MBP: variants seen among roughly 807,000 people sequenced by gnomAD.
The protein encoded by MBP is Golli-MBP.
A neutral mutation model predicts 35.8 loss-of-function variants in MBP; 16 were observed. The ratio of observed to expected loss-of-function variants is 0.45; its 90% CI spans 0.30 to 0.68. The LOEUF (loss-of-function observed/expected upper bound fraction) is 0.68, where lower values mean the gene tolerates loss of function less well. MBP is among the 30% of genes least tolerant of loss of function. The pLI, the probability that MBP is intolerant of heterozygous loss-of-function variation, is 0.08. For synonymous variants in MBP, 143 were observed against 159.6 expected, an observed-to-expected ratio of 0.90 and a Z score of 0.78; for missense variants, 380 against 404.7, an observed-to-expected ratio of 0.94 and a Z score of 0.52.
chr18:77,015,700 A>C (rs1326106432), intron 4 of MBP: 1 of 985,378 alleles, frequency 1.0e-6, no homozygotes, highest in Non-Finnish European at 1.2e-6. Context: ...TAAAACTGAC[A>C]TTTGTGTTTC....
intron 3 of MBP, among the ~76,000 whole-genome samples, chr18:77,057,271 C>A (rs1973763444): frequency 6.6e-6 from 1 of 152,204 alleles, no homozygotes; most frequent in Non-Finnish European, 1.5e-5. Flanking sequence ...GGGCTCCGAT[C>A]CTGCTCCTGA....
chr18:77,047,609 C>T (rs1973311572), intron 3 of MBP, among the ~76,000 whole-genome samples: 1 of 152,206 alleles, frequency 6.6e-6, no homozygotes, highest in Non-Finnish European at 1.5e-5. Context: ...AATGTGTACA[C>T]TGAAAATGGC....
At chr18:77,093,990 T>TG (rs1399798011) in intron 2 of MBP, among the ~76,000 whole-genome samples, 4 of 148,790 alleles carry the variant, frequency 2.7e-5, no homozygotes, top group Non-Finnish European at 4.4e-5. Flanking sequence ...TCTTTTTTTT[T>TG]TTTTGACACG....
intron 2 of MBP, among the ~76,000 whole-genome samples, chr18:77,081,813 C>CT (rs373810599): frequency 0.013 from 1,211 of 90,472 alleles, 28 homozygotes; most frequent in African/African-American, 0.032. Flanking sequence ...TATGCACACA[C>CT]ATATATACAC....
At chr18:77,021,740 C>T (rs922666901) in intron 3 of MBP, among the ~76,000 whole-genome samples, 3 of 152,134 alleles carry the variant, frequency 2.0e-5, no homozygotes, top group South Asian at 2.1e-4. Flanking sequence ...GCCTCGGCCC[C>T]GCAAAGTGCT....
intron 3 of MBP, among the ~76,000 whole-genome samples, chr18:77,040,463 G>A (rs1053794091): frequency 8.5e-5 from 13 of 152,116 alleles, no homozygotes; most frequent in African/African-American, 2.7e-4. Flanking sequence ...AAAAGAGCCC[G>A]CATTGCCAAG....
intron 3 of MBP, among the ~76,000 whole-genome samples, chr18:77,019,807 A>C (rs1025313663): frequency 6.6e-6 from 1 of 152,124 alleles, no homozygotes; most frequent in African/African-American, 2.4e-5. Context: ...GCAGAGGGGA[A>C]GGCAGCCCCC....
intron 4 of MBP, chr18:77,013,384 A>G: frequency 1.0e-6 from 1 of 985,432 alleles, no homozygotes; most frequent in Non-Finnish European, 1.2e-6. Flanking sequence ...GTGTCTCCAA[A>G]TGGTACACGC....
chr18:77,122,017 A>G (rs997694051), intron 1 of MBP, among the ~76,000 whole-genome samples: 1 of 152,222 alleles, frequency 6.6e-6, no homozygotes, highest in Non-Finnish European at 1.5e-5. Context: ...AGCTGAATAA[A>G]TCATGCCAGG....
intron 3 of MBP, among the ~76,000 whole-genome samples, chr18:77,049,268 C>T (rs150717135): frequency 6.6e-4 from 100 of 152,214 alleles, no homozygotes; most frequent in African/African-American, 2.1e-3. Context: ...TCCTGCCTGA[C>T]GCGGTTTCTG....
chr18:77,048,821 G>A (rs1973364897), intron 3 of MBP, among the ~76,000 whole-genome samples: 1 of 152,112 alleles, frequency 6.6e-6, no homozygotes, highest in Non-Finnish European at 1.5e-5. Flanking sequence ...GGATCAAAGA[G>A]GTCAAATAAA....
intron 2 of MBP, among the ~76,000 whole-genome samples, chr18:77,069,676 G>A (rs118141198): frequency 5.6e-4 from 86 of 152,304 alleles, no homozygotes; most frequent in Admixed American, 9.1e-4. Context: ...GGATAACCTA[G>A]CGGCAGCCAC....
chr18:77,105,381 T>C, intron 1 of MBP, 95 bp from the exon 2 acceptor site: 1 of 734,270 alleles, frequency 1.4e-6, no homozygotes, highest in Non-Finnish European at 2.4e-6. Context: ...GTGATATATG[T>C]AATGCCCATT....
chr18:77,029,715 G>C (rs1394515064), intron 3 of MBP, among the ~76,000 whole-genome samples: 1 of 152,016 alleles, frequency 6.6e-6, no homozygotes, highest in African/African-American at 2.4e-5. Context: ...CATCTAGTTA[G>C]GTTTAAAGCC....
At chr18:77,033,231 G>C (rs367754497) in intron 3 of MBP, among the ~76,000 whole-genome samples, 1 of 152,096 alleles carries the variant, frequency 6.6e-6, no homozygotes, top group African/African-American at 2.4e-5. Context: ...GCCTCCCAAA[G>C]TGCTGGAGTT....
At position 77,119,082 on chromosome 18, in the gene MBP, A is replaced by G. The variant is rs113280247; in HGVS notation, c.-26+13498T>C. 1.1e-3 allele frequency among the ~76,000 whole-genome samples: 174 copies of G among 152,262 alleles called. 1 individual carries two copies. Among genetic ancestry groups the G allele is most frequent in the African/African-American group, 4.0e-3 (168 of 41,538 alleles). On this transcript the variant is annotated intron_variant, in intron 1 of 8. Transcript: ENST00000355994. ...GGGCAGCTGACAGGGGAAAGCGAAGACCACAGTTGGTCCCACAGGTCCCTG... is the reference window on the plus strand; with the variant it reads ...GGGCAGCTGACAGGGGAAAGCGAAGGCCACAGTTGGTCCCACAGGTCCCTG...
At chr18:77,115,965 C>A (rs73970919) in intron 1 of MBP, among the ~76,000 whole-genome samples, 5,065 of 149,432 alleles carry the variant, frequency 0.034, 136 homozygotes, top group African/African-American at 0.12. Flanking sequence ...TCCTGAGGGG[C>A]CCCACATCTT....
At chr18:77,063,322 C>G (rs1198595533) in intron 3 of MBP, among the ~76,000 whole-genome samples, 1 of 152,112 alleles carries the variant, frequency 6.6e-6, no homozygotes, top group Non-Finnish European at 1.5e-5. Flanking sequence ...TTCAACAGGC[C>G]CTTCCAGGTC....
intron 2 of MBP, among the ~76,000 whole-genome samples, chr18:77,076,918 G>A (rs1159235508): frequency 3.3e-5 from 5 of 152,114 alleles, no homozygotes; most frequent in Non-Finnish European, 1.5e-5. Flanking sequence ...GCGATCAAGG[G>A]CAAGTGGCTT....
Sources: allele counts gnomAD v4.1 joint callset (sites outside exome capture counted in the v4.1 genomes callset), GRCh38; gene constraint gnomAD v4.1.1; transcripts MANE v1.5; gene names NCBI Gene and HGNC (gene_info 2026-07-23, HGNC 2026-07-21).